The following HSPA9 variants were observed in gnomAD, a reference collection of about 807,000 sequenced individuals.
The protein encoded by HSPA9 is heat shock protein family A (Hsp70) member 9.
Under a neutral mutation model 81.5 loss-of-function variants are expected in HSPA9, and 28 were observed. The observed-to-expected ratio is 0.34, with a 90% CI of 0.25 to 0.47. The LOEUF (loss-of-function observed/expected upper bound fraction) is 0.47, where lower values mean the gene tolerates loss of function less well. Ranked by LOEUF, HSPA9 falls within the 20% of genes least tolerant of loss-of-function variation. The pLI is 1.00. For synonymous variants in HSPA9, 293 were observed against 290.4 expected (o/e 1.01, Z -0.09); for missense variants, 678 against 838.0 (o/e 0.81, Z 2.36).
In HSPA9 at chr5:138,561,598, G is replaced by A. The variant is rs765426354; in HGVS notation, c.1164C>T (p.Gly388=). ...SDIGEVILVG[G]MTRMPKVQQT... The stretch of plus-strand genomic sequence containing the variant: ...TCCATACCTTGGGCATCCTAGTCAT[G>A]CCACCCACAAGAATCACTTCTCCTA... Residue 388 remains glycine, a synonymous_variant, in exon 10 of 17, where the codon GGC becomes GGT. Transcript: ENST00000297185. 1.9e-5 allele frequency: 30 copies of A among 1,613,146 alleles called. No homozygotes were observed. In the East Asian group the frequency reaches 6.7e-4, roughly 36 times the overall value.
chr5:138,571,521 G>GA (rs1750889710), intron 3 of HSPA9, among the ~76,000 whole-genome samples: 1 of 152,034 alleles, frequency 6.6e-6, no homozygotes, highest in African/African-American at 2.4e-5. Context: ...TTAAGACACA[G>GA]AAACAGCTCC....
At chr5:138,571,545 A>T (rs1200421036) in intron 3 of HSPA9, among the ~76,000 whole-genome samples, 4 of 152,214 alleles carry the variant, frequency 2.6e-5, no homozygotes, top group Non-Finnish European at 5.9e-5. Flanking sequence ...ATTGCGAAAC[A>T]AATGCACATC....
intron 12 of HSPA9, 142 bp downstream of exon 12, chr5:138,558,411 G>A (rs573052366): frequency 5.7e-6 from 4 of 707,464 alleles, no homozygotes; most frequent in Non-Finnish European, 1.0e-5. Context: ...GATGCCATGG[G>A]TATCTAGTTG....
chr5:138,566,860 G>A, intron 8 of HSPA9, 141 bp downstream of exon 8: 1 of 1,155,150 alleles, frequency 8.7e-7, no homozygotes, highest in Non-Finnish European at 1.3e-6. Flanking sequence ...TTAATGTGTA[G>A]GGAAAAAAAA....
intron 11 of HSPA9, 172 bp downstream of exon 11, chr5:138,559,692 A>C: frequency 1.6e-6 from 1 of 629,018 alleles, no homozygotes; most frequent in Non-Finnish European, 2.9e-6. Context: ...GTAACAAAAA[A>C]ACAAAAAACA....
At chr5:138,565,099 T>C (rs1210061579) in intron 9 of HSPA9, among the ~76,000 whole-genome samples, 1 of 152,234 alleles carries the variant, frequency 6.6e-6, no homozygotes, top group Non-Finnish European at 1.5e-5. Context: ...GGATGCTCAA[T>C]ACATCTTGCT....
intron 3 of HSPA9, among the ~76,000 whole-genome samples, chr5:138,573,512 A>G (rs1389833955): frequency 6.6e-6 from 1 of 151,926 alleles, no homozygotes; most frequent in Non-Finnish European, 1.5e-5. Context: ...TTAGCCAGGA[A>G]TGGTGGTTCA....
intron 1 of HSPA9, 84 bp downstream of exon 1, chr5:138,575,154 A>G (rs1348915709): frequency 2.1e-6 from 2 of 947,150 alleles, no homozygotes; most frequent in Non-Finnish European, 3.3e-6. Context: ...TTCAAACCCT[A>G]AAGGGCGCGC....
chr5:138,557,067 AG>A, intron 14 of HSPA9: 1 of 626,350 alleles, frequency 1.6e-6, no homozygotes, highest in Non-Finnish European at 2.8e-6. Flanking sequence ...GAATTGTGAC[AG>A]GGAAAACAGA....
At chr5:138,561,028 CATCTTCAACAG>C (rs1341873559) in intron 10 of HSPA9, 1 of 491,584 alleles carries the variant, frequency 2.0e-6, no homozygotes, top group Non-Finnish European at 4.2e-6. Flanking sequence ...AGAAGAACTG[CATCTTCAACAG>C]GTTTGTGCTC....
rs1484678352 is a variant in HSPA9 at position 138,566,648 on chromosome 5, C to T, written c.950G>A (p.Cys317Tyr). 2.5e-6 allele frequency: 4 copies of T among 1,613,612 alleles called. No homozygotes were observed. Reference sequence around the variant, plus strand: ...CACCTGCACAGATGAGGAGAGTTCACATTTAGCCTTTTCAGCAGCTTCCCG... The same window carrying T: ...CACCTGCACAGATGAGGAGAGTTCATATTTAGCCTTTTCAGCAGCTTCCCG... ...RVREAAEKAK[C>Y]ELSSSVQTDI... The change falls in exon 9 of 17, where the codon TGT becomes TAT. Residue 317 changes from cysteine (C) to tyrosine (Y), a missense_variant. Around this residue, in one of 4 missense-constraint regions of HSPA9, gnomAD observed 484 missense variants for 647.5 expected, o/e 0.75. Transcript: ENST00000297185.
intron 5 of HSPA9, among the ~76,000 whole-genome samples, chr5:138,567,927 G>A (rs540315044): frequency 1.6e-4 from 24 of 152,252 alleles, no homozygotes; most frequent in South Asian, 8.3e-4. Context: ...GCTCACACTC[G>A]TAATCCCAGC....
chr5:138,566,920 C>T (rs562517884), intron 8 of HSPA9, 81 bp downstream of exon 8: 18 of 1,447,010 alleles, frequency 1.2e-5, no homozygotes, highest in African/African-American at 5.6e-5. Flanking sequence ...GAACTGAACT[C>T]GTAAACAAAG....
At chr5:138,556,923 T>G in intron 14 of HSPA9, 57 bp from the exon 15 acceptor site, 6 of 1,158,542 alleles carry the variant, frequency 5.2e-6, no homozygotes, top group Non-Finnish European at 7.8e-6. Flanking sequence ...GTTTGCTGAA[T>G]GTCTATACTC....
rs1054014214 is a variant in HSPA9 at position 138,554,172 on chromosome 5, T to G, written c.*1865A>C. Among the ~76,000 whole-genome samples the G allele has an allele frequency of 6.6e-6, 1 of 152,234 alleles. No homozygotes were observed. Among genetic ancestry groups the G allele is most frequent in the African/African-American group, 2.4e-5 (1 of 41,464 alleles). ...CTTTACTGATAGGTGACTGAAATAC[T>G]GTGTCCACCCATACCCAAGCAACTT... On this transcript the variant is annotated 3_prime_UTR_variant, in exon 17 of 17. Coordinates refer to ENST00000297185, the MANE Select transcript of HSPA9 (RefSeq NM_004134.7).
At chr5:138,562,759 G>C (rs1309477303) in intron 9 of HSPA9, among the ~76,000 whole-genome samples, 2 of 152,164 alleles carry the variant, frequency 1.3e-5, no homozygotes, top group Admixed American at 6.5e-5. Context: ...ATCCCATGTA[G>C]GTGAAGAGAA....
At chr5:138,561,873 C>A (rs1427537274) in intron 9 of HSPA9, 84 bp from the exon 10 acceptor site, 7 of 1,062,614 alleles carry the variant, frequency 6.6e-6, no homozygotes, top group African/African-American at 6.3e-5. Flanking sequence ...TATGACCATG[C>A]CCTAGGACAG....
intron 9 of HSPA9, among the ~76,000 whole-genome samples, chr5:138,562,247 ACT>A (rs2127155861): frequency 6.8e-6 from 1 of 147,226 alleles, no homozygotes; most frequent in Admixed American, 6.7e-5. Flanking sequence ...AAGAATAGTT[ACT>A]CTTTAAGATG....
chr5:138,561,900 A>C (rs256007), intron 9 of HSPA9, 111 bp from the exon 10 acceptor site: 378,096 of 827,918 alleles, frequency 0.46, 94,474 homozygotes, highest in East Asian at 0.81. Context: ...TGCAAAACCA[A>C]AGGGAGGGTG....
Sources: gnomAD v4.1 joint callset for allele counts (sites outside exome capture counted in the v4.1 genomes callset) on GRCh38, gnomAD v4.1.1 for gene constraint, gnomAD v4.1.1 regional missense constraint, MANE v1.5 for transcripts, NCBI Gene and HGNC (gene_info 2026-07-23, HGNC 2026-07-21) for gene names.